Variants in FANCC observed in about 807,000 individuals in gnomAD.
FANCC encodes the protein FA complementation group C.
In FANCC, 55 loss-of-function variants were observed where a neutral mutation model predicts 71.3. The observed-to-expected ratio is 0.77, with a 90% CI of 0.62 to 0.97. The LOEUF is 0.97. FANCC is among the 50% of genes least tolerant of loss of function. The pLI is 0.00. For missense variants in FANCC, 678 were observed against 670.9 expected (o/e 1.01, Z -0.12); for synonymous variants, 275 against 244.9 (o/e 1.12, Z -1.15).
intron 1 of FANCC, among the ~76,000 whole-genome samples, chr9:95,261,170 C>CA (rs1412407197): frequency 6.6e-5 from 10 of 152,186 alleles, no homozygotes; most frequent in Non-Finnish European, 1.5e-4. Flanking sequence ...CGTGCAGCTC[C>CA]AAAAAATGCA....
intron 6 of FANCC, among the ~76,000 whole-genome samples, chr9:95,163,041 C>G (rs905625882): frequency 1.3e-5 from 2 of 152,204 alleles, no homozygotes; most frequent in Non-Finnish European, 2.9e-5. Context: ...AGTCCAATGC[C>G]ATGACACTTT....
chr9:95,293,258 G>A (rs1005719201), intron 1 of FANCC: 34 of 1,612,948 alleles, frequency 2.1e-5, no homozygotes, highest in Middle Eastern at 1.6e-4. Context: ...TAAACTACCC[G>A]TGATGCAGTT....
intron 1 of FANCC, among the ~76,000 whole-genome samples, chr9:95,311,230 T>C (rs1835379174): frequency 1.0e-5 from 1 of 99,636 alleles, no homozygotes; most frequent in Non-Finnish European, 1.9e-5. Flanking sequence ...TGAGATTCCG[T>C]CTCAAAAAAA....
intron 4 of FANCC, among the ~76,000 whole-genome samples, chr9:95,234,613 G>C (rs1170860420): frequency 6.6e-6 from 1 of 152,136 alleles, no homozygotes; most frequent in Non-Finnish European, 1.5e-5. Flanking sequence ...TGACAGTGTG[G>C]AACTGGCATA....
At chr9:95,198,427 G>T (rs1173906371) in intron 4 of FANCC, among the ~76,000 whole-genome samples, 1 of 152,160 alleles carries the variant, frequency 6.6e-6, no homozygotes, top group Non-Finnish European at 1.5e-5. Flanking sequence ...GTTTTACATA[G>T]AAATACAAAA....
At chr9:95,304,270 T>C (rs1330623102) in intron 1 of FANCC, among the ~76,000 whole-genome samples, 1 of 151,904 alleles carries the variant, frequency 6.6e-6, no homozygotes, top group Admixed American at 6.6e-5. Context: ...GAAGACCCAA[T>C]ATCAAGAAAG....
chr9:95,143,436 T>C (rs1468466531), intron 7 of FANCC, among the ~76,000 whole-genome samples: 5 of 152,112 alleles, frequency 3.3e-5, no homozygotes, highest in Non-Finnish European at 7.3e-5. Context: ...CCCGAGGCTA[T>C]CTGGGGGCCC....
At chr9:95,141,035 C>G (rs1448047568) in intron 7 of FANCC, among the ~76,000 whole-genome samples, 2 of 152,050 alleles carry the variant, frequency 1.3e-5, no homozygotes, top group African/African-American at 4.8e-5. Flanking sequence ...TGTGGCTGGG[C>G]ACAGTGTCTC....
chr9:95,189,844 T>C (rs1006213393), intron 4 of FANCC, among the ~76,000 whole-genome samples: 2 of 152,188 alleles, frequency 1.3e-5, no homozygotes, highest in Non-Finnish European at 2.9e-5. Flanking sequence ...GCAGCTTTTC[T>C]TCCTGGTGCC....
intron 4 of FANCC, among the ~76,000 whole-genome samples, chr9:95,219,838 T>C (rs928616777): frequency 3.2e-4 from 48 of 152,240 alleles, no homozygotes; most frequent in Middle Eastern, 3.4e-3. Context: ...CCAAAAGCAA[T>C]GGCAACAAAA....
At chr9:95,144,176 G>C (rs969868822) in intron 7 of FANCC, among the ~76,000 whole-genome samples, 1 of 152,212 alleles carries the variant, frequency 6.6e-6, no homozygotes, top group African/African-American at 2.4e-5. Context: ...TGATTGATTG[G>C]ATCAGCCTCG....
chr9:95,242,496 A>C (rs952845310), intron 3 of FANCC, among the ~76,000 whole-genome samples: 1 of 151,638 alleles, frequency 6.6e-6, no homozygotes, highest in African/African-American at 2.4e-5. Flanking sequence ...AAAAAAAAAA[A>C]AAAAGAAAGG....
In FANCC at chr9:95,246,753, G is replaced by A. The variant is rs923289466; in HGVS notation, c.250+679C>T. On this transcript the variant is annotated intron_variant, in intron 3 of 14. Transcript: ENST00000289081. ...ATTTCAAAGGAGAATGAGTGTGAAA[G>A]GAATCCTGACACAAAGTGCCTTCAG... Among the ~76,000 whole-genome samples the A allele has an allele frequency of 3.8e-4, 58 of 152,182 alleles. 1 individual carries two copies. Among genetic ancestry groups the A allele is most frequent in the Admixed American group, 3.3e-3 (51 of 15,270 alleles).
chr9:95,166,857 A>G (rs1413431037), intron 6 of FANCC, among the ~76,000 whole-genome samples: 1 of 152,132 alleles, frequency 6.6e-6, no homozygotes, highest in East Asian at 1.9e-4. Context: ...ACACGGTATT[A>G]TAAGATTTTG....
In FANCC at chr9:95,101,570, C is replaced by T; in HGVS notation, c.*137G>A. On this transcript the variant is annotated 3_prime_UTR_variant, in exon 15 of 15. Transcript: ENST00000289081. The stretch of plus-strand genomic sequence containing the variant: ...TAAAATAGATACTAGCAGATTGTCC[C>T]AAGATGTGTACAGCTCATTCTCACA... 1 of 1,053,318 alleles carries T rather than the reference C, an allele frequency of 9.5e-7. No individual in the cohort carries two copies. The highest frequency in any genetic ancestry group is 1.4e-6 in the Non-Finnish European group (1 of 708,926). The allele number at this position is 1,053,318 out of a possible 1,614,324, so 65.2% of individuals were successfully genotyped here.
chr9:95,238,826 A>G (rs1830468991), intron 4 of FANCC, among the ~76,000 whole-genome samples: 1 of 152,084 alleles, frequency 6.6e-6, no homozygotes, highest in Admixed American at 6.6e-5. Flanking sequence ...TGGCCTCCCA[A>G]AGTGCTGGGG....
At position 95,138,161 on chromosome 9, in the gene FANCC, C is replaced by G. The variant is rs570744644; in HGVS notation, c.687-2659G>C. Among the ~76,000 whole-genome samples, 7 of 152,334 alleles carry G rather than the reference C, an allele frequency of 4.6e-5. No homozygotes were observed. The East Asian group carries it at 1.3e-3, about 29-fold the overall frequency. On this transcript the variant is annotated intron_variant, in intron 7 of 14. Transcript: ENST00000289081. ...CCCCTCCCCGCACAGAAGAGGCAGC[C>G]GAGGTCAGAGAGGACCAGGACTCGC...
chr9:95,104,837 A>G (rs1713211799), intron 14 of FANCC, among the ~76,000 whole-genome samples: 1 of 152,146 alleles, frequency 6.6e-6, no homozygotes, highest in Admixed American at 6.5e-5. Context: ...GTCACAGGGC[A>G]GGGCTGACCA....
intron 7 of FANCC, among the ~76,000 whole-genome samples, chr9:95,149,649 T>G (rs1266537653): frequency 7.9e-5 from 12 of 152,074 alleles, no homozygotes; most frequent in African/African-American, 2.4e-4. Context: ...TGACTAATTT[T>G]TGCATTTTTA....
Sources: gnomAD v4.1 joint callset for allele counts (sites outside exome capture counted in the v4.1 genomes callset) on GRCh38, gnomAD v4.1.1 for gene constraint, MANE v1.5 for transcripts, NCBI Gene and HGNC (gene_info 2026-07-23, HGNC 2026-07-21) for gene names.